Variants in KLF12 observed in about 807,000 individuals in gnomAD.
KLF12 encodes Krueppel-like factor 12.
KLF12 carries 9 observed loss-of-function variants against 37.8 expected under a neutral mutation model. The observed-to-expected ratio is 0.24, with a 90% CI of 0.14 to 0.42. The LOEUF is 0.42. KLF12 is among the 10% of genes least tolerant of loss of function. The pLI, the probability that KLF12 is intolerant of heterozygous loss-of-function variation, is 1.00. For synonymous variants in KLF12, 208 were observed against 202.1 expected (o/e 1.03, Z -0.25); for missense variants, 411 against 516.0 (o/e 0.80, Z 1.97).
chr13:74,002,537 G>A (rs1175104003), intron 1 of KLF12, among the ~76,000 whole-genome samples: 3 of 151,886 alleles, frequency 2.0e-5, no homozygotes, highest in Admixed American at 6.6e-5. Flanking sequence ...CACCACATTC[G>A]GCTAATGTTT....
chr13:73,903,018 C>T (rs973286126), intron 3 of KLF12, among the ~76,000 whole-genome samples: 7 of 152,160 alleles, frequency 4.6e-5, no homozygotes, highest in Non-Finnish European at 7.4e-5. Context: ...CAGATCAGTT[C>T]TCCTGTATGT....
chr13:74,304,890 ACT>A, the KLF12 span, among the ~76,000 whole-genome samples: 1 of 152,048 alleles, frequency 6.6e-6, no homozygotes, highest in Non-Finnish European at 1.5e-5. Context: ...CTTATTAGAA[ACT>A]CTACAAGACA....
the KLF12 span, among the ~76,000 whole-genome samples, chr13:74,144,313 C>A: frequency 6.6e-6 from 1 of 152,118 alleles, no homozygotes; most frequent in Admixed American, 6.6e-5. Flanking sequence ...ACTTGACAGA[C>A]CCAACAGATT....
At chr13:74,168,499 C>A in the KLF12 span, among the ~76,000 whole-genome samples, 1 of 152,178 alleles carries the variant, frequency 6.6e-6, no homozygotes, top group Non-Finnish European at 1.5e-5. Flanking sequence ...GTGAAATAGT[C>A]CACTGGTGAT....
At chr13:74,171,702 T>C in the KLF12 span, among the ~76,000 whole-genome samples, 192 of 152,196 alleles carry the variant, frequency 1.3e-3, no homozygotes, top group Non-Finnish European at 2.0e-3. Flanking sequence ...GGAAAGAAAA[T>C]TGTCTCCAGT....
chr13:73,836,553 T>C lies in KLF12; in HGVS notation c.670+9274A>G, dbSNP rs546927075. Among the ~76,000 whole-genome samples, 5 of 152,328 alleles carry C rather than the reference T, an allele frequency of 3.3e-5. 1 individual carries two copies. Among genetic ancestry groups the C allele is most frequent in the South Asian group, 4.1e-4 (2 of 4,824 alleles). On this transcript the variant is annotated intron_variant, in intron 4 of 7. Transcript: ENST00000377669. ...ATGTATGTATTTCTTACAGTGAGTATAGATGCCAAAATAATTCTACAAATA... is the reference window on the plus strand; with the variant it reads ...ATGTATGTATTTCTTACAGTGAGTACAGATGCCAAAATAATTCTACAAATA...
intron 5 of KLF12, among the ~76,000 whole-genome samples, chr13:73,810,982 C>CTTTTTTTTTTT (rs376490803): frequency 1.6e-4 from 7 of 44,816 alleles, no homozygotes; most frequent in African/African-American, 2.5e-4. Flanking sequence ...ATTTTTCTTT[C>CTTTTTTTTTTT]TTTTTTTTTT....
intron 1 of KLF12, among the ~76,000 whole-genome samples, chr13:74,084,167 G>C (rs1875110712): frequency 6.6e-6 from 1 of 152,116 alleles, no homozygotes; most frequent in African/African-American, 2.4e-5. Flanking sequence ...CGAATGAACA[G>C]GGTGATGTAA....
At chr13:74,245,993 A>G in the KLF12 span, among the ~76,000 whole-genome samples, 1 of 152,216 alleles carries the variant, frequency 6.6e-6, no homozygotes, top group African/African-American at 2.4e-5. Flanking sequence ...GTTGGTAATC[A>G]AAACTTCTTT....
chr13:74,271,363 C>T, the KLF12 span, among the ~76,000 whole-genome samples: 1 of 152,060 alleles, frequency 6.6e-6, no homozygotes, highest in African/African-American at 2.4e-5. Flanking sequence ...TAAGAATAAG[C>T]CTTGGACATT....
At chr13:74,105,533 C>A (rs1876604896) in intron 1 of KLF12, among the ~76,000 whole-genome samples, 1 of 151,866 alleles carries the variant, frequency 6.6e-6, no homozygotes, top group South Asian at 2.1e-4. Flanking sequence ...TAATAATAAT[C>A]CTGAAAAGGT....
chr13:74,225,119 C>T, the KLF12 span, among the ~76,000 whole-genome samples: 2 of 152,104 alleles, frequency 1.3e-5, no homozygotes, highest in East Asian at 3.9e-4. Flanking sequence ...AAACATAACA[C>T]TACCCATACT....
the KLF12 span, among the ~76,000 whole-genome samples, chr13:74,160,252 T>C: frequency 1.3e-5 from 2 of 152,224 alleles, no homozygotes. Context: ...TGTGTTCCCA[T>C]GTTCTGTGTA....
intron 1 of KLF12, among the ~76,000 whole-genome samples, chr13:74,103,657 A>C (rs1360862032): frequency 6.6e-6 from 1 of 152,234 alleles, no homozygotes; most frequent in Non-Finnish European, 1.5e-5. Flanking sequence ...GGAAAAACAT[A>C]AACAACCAAA....
At chr13:74,216,945 T>TA in the KLF12 span, among the ~76,000 whole-genome samples, 1 of 152,238 alleles carries the variant, frequency 6.6e-6, no homozygotes, top group Non-Finnish European at 1.5e-5. Context: ...GGCCTATATA[T>TA]AAAAAATCTT....
chr13:73,928,400 C>T (rs554775570), intron 3 of KLF12, among the ~76,000 whole-genome samples: 72 of 152,308 alleles, frequency 4.7e-4, no homozygotes, highest in Non-Finnish European at 9.0e-4. Flanking sequence ...ATTCCATCTT[C>T]TCAATGAATT....
chr13:73,731,877 G>A (rs182122104), intron 6 of KLF12, among the ~76,000 whole-genome samples: 1 of 152,288 alleles, frequency 6.6e-6, no homozygotes, highest in Non-Finnish European at 1.5e-5. Context: ...TCTTACCAAT[G>A]CATTTTTAGC....
intron 3 of KLF12, among the ~76,000 whole-genome samples, chr13:73,913,751 T>C (rs2139168643): frequency 6.6e-6 from 1 of 152,368 alleles, no homozygotes; most frequent in East Asian, 1.9e-4. Context: ...GAAAGCACTT[T>C]TTAAATATAA....
intron 3 of KLF12, among the ~76,000 whole-genome samples, chr13:73,866,408 T>C (rs968575567): frequency 1.3e-5 from 2 of 152,176 alleles, no homozygotes; most frequent in African/African-American, 4.8e-5. Flanking sequence ...AAAGACATTT[T>C]GCTGTACAAT....
Sources: allele counts gnomAD v4.1 joint callset (sites outside exome capture counted in the v4.1 genomes callset), GRCh38; gene constraint gnomAD v4.1.1; transcripts MANE v1.5; gene names NCBI Gene and HGNC (gene_info 2026-07-23, HGNC 2026-07-21).